Variants in CRYL1 observed in about 807,000 individuals in gnomAD.
CRYL1 encodes the protein crystallin lambda 1.
In CRYL1, 29 loss-of-function variants were observed where a neutral mutation model predicts 36.6. The observed-to-expected ratio is 0.79, with a 90% CI of 0.59 to 1.08. The LOEUF (loss-of-function observed/expected upper bound fraction) is 1.08. Among genes scored for constraint, CRYL1 ranks in the 50% least tolerant of loss-of-function variants. CRYL1 has a pLI of 0.00. For synonymous variants in CRYL1, 152 were observed against 151.5 expected, an observed-to-expected ratio of 1.00 and a Z score of -0.02; for missense variants, 411 against 407.9, an observed-to-expected ratio of 1.01 and a Z score of -0.06.
At chr13:20,498,839 A>G (rs2033655999) in intron 2 of CRYL1, among the ~76,000 whole-genome samples, 1 of 152,342 alleles carries the variant, frequency 6.6e-6, no homozygotes, top group African/African-American at 2.4e-5. Flanking sequence ...TTTTTGTATT[A>G]TAATTTTGGC....
chr13:20,496,011 G>A (rs1421499176), intron 2 of CRYL1, among the ~76,000 whole-genome samples: 1 of 152,186 alleles, frequency 6.6e-6, no homozygotes, highest in African/African-American at 2.4e-5. Flanking sequence ...ATGTTGGCCA[G>A]GCTGGTCTTG....
chr13:20,500,760 C>G (rs1481779928), intron 2 of CRYL1, among the ~76,000 whole-genome samples: 1 of 152,118 alleles, frequency 6.6e-6, no homozygotes, highest in Non-Finnish European at 1.5e-5. Flanking sequence ...GATGGATGAC[C>G]AGATGCCCCA....
intron 3 of CRYL1, among the ~76,000 whole-genome samples, chr13:20,463,649 G>C (rs1003211238): frequency 3.3e-5 from 5 of 152,100 alleles, no homozygotes; most frequent in African/African-American, 9.7e-5. Flanking sequence ...TTTAAACAAG[G>C]ACAGGTAGCT....
chr13:20,501,012 C>G (rs1184440763), intron 2 of CRYL1, among the ~76,000 whole-genome samples: 3 of 152,134 alleles, frequency 2.0e-5, no homozygotes, highest in African/African-American at 7.2e-5. Flanking sequence ...CTTCCTTGCC[C>G]CCCCCTAGTT....
intron 3 of CRYL1, among the ~76,000 whole-genome samples, chr13:20,482,500 C>A (rs550841573): frequency 6.6e-6 from 1 of 152,282 alleles, no homozygotes; most frequent in Non-Finnish European, 1.5e-5. Flanking sequence ...GTTTTCTTGC[C>A]AGGCAAGATT....
At chr13:20,495,059 C>G (rs1047886343) in intron 2 of CRYL1, among the ~76,000 whole-genome samples, 11 of 152,236 alleles carry the variant, frequency 7.2e-5, no homozygotes, top group African/African-American at 2.7e-4. Context: ...CCAACAAATC[C>G]ACATGCCACA....
chr13:20,423,929 C>T (rs1316512552), intron 5 of CRYL1, among the ~76,000 whole-genome samples: 2 of 151,832 alleles, frequency 1.3e-5, no homozygotes, highest in Admixed American at 6.6e-5. Flanking sequence ...CAGCACCACA[C>T]CTGGCTAATT....
At chr13:20,417,801 G>A (rs2137372038) in intron 5 of CRYL1, among the ~76,000 whole-genome samples, 1 of 152,310 alleles carries the variant, frequency 6.6e-6, no homozygotes, top group African/African-American at 2.4e-5. Context: ...AGACATCCGT[G>A]AAGTAGGAGA....
intron 5 of CRYL1, chr13:20,426,695 C>A: frequency 1.0e-6 from 1 of 985,346 alleles, no homozygotes; most frequent in Non-Finnish European, 1.2e-6. Flanking sequence ...CACAAAAAAG[C>A]CTCATCTGTC....
chr13:20,517,926 ACT>A (rs1166635623), intron 1 of CRYL1, among the ~76,000 whole-genome samples: 2 of 106,828 alleles, frequency 1.9e-5, no homozygotes, highest in African/African-American at 7.3e-5. Context: ...ACAGAGCAAG[ACT>A]CTGTCTCAAG....
At position 20,522,801 on chromosome 13, in the gene CRYL1, T is replaced by C. The variant is rs9552223; in HGVS notation, c.41+2953A>G. ...TGCAGTGTGTATACAAATACAGAACTCATATTTTAGCGATTTAGAAACACA... is the reference window on the plus strand; with the variant it reads ...TGCAGTGTGTATACAAATACAGAACCCATATTTTAGCGATTTAGAAACACA... On this transcript the variant is annotated intron_variant, in intron 1 of 7. Transcript: ENST00000298248. Among the ~76,000 whole-genome samples the C allele has an allele frequency of 9.2e-3, 1,399 of 152,056 alleles. 147 individuals carry two copies. In the East Asian group the frequency reaches 0.22, roughly 24 times the overall value.
rs2031779673 is a variant in CRYL1, at chr13:20,420,700, G to GGTTTTTTTTTTTTTTTT, written c.634-7314_634-7313insAAAAAAAAAAAAAAAAC. Among the ~76,000 whole-genome samples, 2 of 36,464 alleles carry GGTTTTTTTTTTTTTTTT rather than the reference G, an allele frequency of 5.5e-5. 1 individual carries two copies. Among genetic ancestry groups the GGTTTTTTTTTTTTTTTT allele is most frequent in the Non-Finnish European group, 1.4e-4 (2 of 13,964 alleles). 23.9% of individuals were successfully genotyped at this position (36,464 alleles called of 152,430 possible). ...CCTTTGACTTTTCTTTAAAATAGAGGTTGTGTGTGTGTGTGTGTGTGTGTG... is the reference window on the plus strand; with the variant it reads ...CCTTTGACTTTTCTTTAAAATAGAGGGTTTTTTTTTTTTTTTTTTGTGTGTGTGTGTGTGTGTGTGTG... On this transcript the variant is annotated intron_variant, in intron 5 of 7. Coordinates refer to ENST00000298248, the MANE Select transcript of CRYL1 (RefSeq NM_015974.3).
At chr13:20,468,028 A>G (rs4262815) in intron 3 of CRYL1, among the ~76,000 whole-genome samples, 125,163 of 151,998 alleles carry the variant, frequency 0.82, 51,672 homozygotes, top group Admixed American at 0.87. Context: ...CCTTATGATC[A>G]GCAGTGGAAC....
chr13:20,482,066 GA>G (rs1593475812), intron 3 of CRYL1, among the ~76,000 whole-genome samples: 1 of 150,384 alleles, frequency 6.6e-6, no homozygotes, highest in East Asian at 2.0e-4. Context: ...GAAATATTCT[GA>G]GTCTCAGTGA....
chr13:20,507,748 C>T (rs775491278), intron 2 of CRYL1, among the ~76,000 whole-genome samples: 1 of 151,842 alleles, frequency 6.6e-6, no homozygotes, highest in East Asian at 1.9e-4. Flanking sequence ...GAAACCCCGT[C>T]TCTACTAAAA....
intron 4 of CRYL1, among the ~76,000 whole-genome samples, chr13:20,439,031 G>A (rs763997932): frequency 6.7e-6 from 1 of 148,678 alleles, no homozygotes; most frequent in Non-Finnish European, 1.5e-5. Context: ...ATGAGTGAGT[G>A]GAAGGGAAAC....
At chr13:20,426,190 A>C (rs2031929759) in intron 5 of CRYL1, among the ~76,000 whole-genome samples, 1 of 151,836 alleles carries the variant, frequency 6.6e-6, no homozygotes, top group African/African-American at 2.4e-5. Flanking sequence ...GATTTGCAAG[A>C]GCGATTCTCA....
rs914157466 is a variant in CRYL1, at chr13:20,462,549, T to C, written c.277-22795A>G. Among the ~76,000 whole-genome samples the C allele has an allele frequency of 4.7e-5, 7 of 149,174 alleles. 1 individual carries two copies. The highest frequency in any genetic ancestry group is 1.7e-4 in the African/African-American group (7 of 40,200). On this transcript the variant is annotated intron_variant, in intron 3 of 7. Transcript: ENST00000298248. ...GCCATTTAGCAGCCTGCGTTTAAAATAATAACTAAGTAGTTGTTTCACTCT... is the reference window on the plus strand; with the variant it reads ...GCCATTTAGCAGCCTGCGTTTAAAACAATAACTAAGTAGTTGTTTCACTCT...
At chr13:20,494,115 G>T (rs1443818665) in intron 2 of CRYL1, among the ~76,000 whole-genome samples, 3 of 152,146 alleles carry the variant, frequency 2.0e-5, no homozygotes, top group Non-Finnish European at 2.9e-5. Flanking sequence ...TGCAGCAGTG[G>T]CTAAGCCTTG....
Sources: allele counts gnomAD v4.1 joint callset (sites outside exome capture counted in the v4.1 genomes callset), GRCh38; gene constraint gnomAD v4.1.1; transcripts MANE v1.5; gene names NCBI Gene and HGNC (gene_info 2026-07-23, HGNC 2026-07-21).